EPB41L4B: variants seen among roughly 807,000 people sequenced by gnomAD.
EPB41L4B encodes erythrocyte membrane protein band 4.1 like 4B.
In EPB41L4B, 30 loss-of-function variants were observed where a neutral mutation model predicts 112.5. The ratio of observed to expected loss-of-function variants is 0.27; its 90% CI spans 0.20 to 0.36. The LOEUF is 0.36. EPB41L4B is among the 10% of genes least tolerant of loss of function. The probability of loss-of-function intolerance (pLI) is 1.00; values close to 1 mark genes in which losing one functional copy is unlikely to be tolerated. For synonymous variants in EPB41L4B, 408 were observed against 439.7 expected, an observed-to-expected ratio of 0.93 and a Z score of 0.90; for missense variants, 1,024 against 1,133.3, an observed-to-expected ratio of 0.90 and a Z score of 1.38.
At chr9:109,258,420 C>G in intron 6 of EPB41L4B, 123 bp from the exon 7 acceptor site, 4 of 1,041,450 alleles carry the variant, frequency 3.8e-6, no homozygotes, top group Non-Finnish European at 5.6e-6. Context: ...ATGTATAACT[C>G]TCTCCTTTCG....
intron 9 of EPB41L4B, 68 bp from the exon 10 acceptor site, chr9:109,255,911 T>A (rs1834965527): frequency 7.0e-7 from 1 of 1,429,080 alleles, no homozygotes. Context: ...AAATAGCAGT[T>A]TCCTTTCTAC....
intron 13 of EPB41L4B, among the ~76,000 whole-genome samples, chr9:109,250,542 A>C (rs1391179087): frequency 6.6e-6 from 1 of 152,214 alleles, no homozygotes; most frequent in Admixed American, 6.5e-5. Context: ...GTTCTCTCAC[A>C]TGACAGCTTG....
chr9:109,281,665 T>C (rs1208357680), intron 1 of EPB41L4B, among the ~76,000 whole-genome samples: 1 of 151,570 alleles, frequency 6.6e-6, no homozygotes, highest in African/African-American at 2.4e-5. Flanking sequence ...GCCTCGGCGG[T>C]AGAGCGAGAC....
intron 17 of EPB41L4B, among the ~76,000 whole-genome samples, chr9:109,209,145 G>C (rs910434133): frequency 6.6e-6 from 1 of 152,130 alleles, no homozygotes; most frequent in Non-Finnish European, 1.5e-5. Flanking sequence ...TACTGAGCAT[G>C]TTGGTACACA....
intron 1 of EPB41L4B, among the ~76,000 whole-genome samples, chr9:109,317,768 G>C (rs915647991): frequency 6.6e-6 from 1 of 152,184 alleles, no homozygotes; most frequent in South Asian, 2.1e-4. Context: ...CTTGCGACAA[G>C]CAGCAAGGCA....
At chr9:109,251,568 TGC>T in intron 12 of EPB41L4B, 57 bp from the exon 13 acceptor site, 2 of 1,515,986 alleles carry the variant, frequency 1.3e-6, no homozygotes, top group Non-Finnish European at 1.8e-6. Context: ...GCTTTCACCA[TGC>T]AATGACAGAT....
rs146177433 is a variant in EPB41L4B at position 109,308,505 on chromosome 9, T to C, written c.306+11636A>G. Reference sequence around the variant, plus strand: ...GGTTAAGAGTCTTAGATAGAATATCTATCAAATGCAATGAAAGAACCTTGC... The same window carrying C: ...GGTTAAGAGTCTTAGATAGAATATCCATCAAATGCAATGAAAGAACCTTGC... On this transcript the variant is annotated intron_variant, in intron 1 of 25. Coordinates refer to ENST00000374566, the MANE Select transcript of EPB41L4B (RefSeq NM_019114.5). Among the ~76,000 whole-genome samples the C allele has an allele frequency of 6.6e-3, 1,006 of 152,320 alleles. 10 individuals carry two copies. The highest frequency in any genetic ancestry group is 0.023 in the African/African-American group (964 of 41,576).
chr9:109,278,566 C>T (rs981904120), intron 2 of EPB41L4B, among the ~76,000 whole-genome samples: 1 of 152,176 alleles, frequency 6.6e-6, no homozygotes, highest in African/African-American at 2.4e-5. Flanking sequence ...TAAGTATCTT[C>T]CAGTAGACAG....
intron 1 of EPB41L4B, among the ~76,000 whole-genome samples, chr9:109,291,416 T>C (rs1302664778): frequency 6.6e-6 from 1 of 152,144 alleles, no homozygotes; most frequent in African/African-American, 2.4e-5. Flanking sequence ...GGGGAGGCAA[T>C]TCCCAATTCC....
At chr9:109,216,318 A>G (rs1451207857) in intron 16 of EPB41L4B, among the ~76,000 whole-genome samples, 4 of 152,032 alleles carry the variant, frequency 2.6e-5, no homozygotes, top group Non-Finnish European at 4.4e-5. Flanking sequence ...TAAGAGTGGA[A>G]CTCTCATGAC....
intron 15 of EPB41L4B, among the ~76,000 whole-genome samples, chr9:109,230,993 C>T (rs1239353294): frequency 1.3e-5 from 2 of 151,924 alleles, no homozygotes; most frequent in Non-Finnish European, 2.9e-5. Context: ...AAACTCAACA[C>T]TACTAAAAAT....
chr9:109,216,911 C>A lies in EPB41L4B; in HGVS notation c.1633+11G>T, dbSNP rs13293508. 0.093 allele frequency: 150,143 copies of A among 1,613,422 alleles called. 7,649 individuals carry two copies. The highest frequency in any genetic ancestry group is 0.13 in the Admixed American group (7,801 of 60,018). ...CCCTTCTCCTGCCTTGCCCCCTCCACCCCTACTCACTTGTAAGGGACTTGC... is the reference window on the plus strand; with the variant it reads ...CCCTTCTCCTGCCTTGCCCCCTCCAACCCTACTCACTTGTAAGGGACTTGC... On this transcript the variant is annotated intron_variant, in intron 16 of 25. Coordinates refer to ENST00000374566, the MANE Select transcript of EPB41L4B (RefSeq NM_019114.5).
At chr9:109,223,875 C>T (rs1833674760) in intron 15 of EPB41L4B, among the ~76,000 whole-genome samples, 1 of 151,972 alleles carries the variant, frequency 6.6e-6, no homozygotes, top group Non-Finnish European at 1.5e-5. Flanking sequence ...AAAAATTAGC[C>T]AGGTGTGGTG....
intron 1 of EPB41L4B, among the ~76,000 whole-genome samples, chr9:109,311,492 C>T (rs563648813): frequency 1.3e-5 from 2 of 152,116 alleles, no homozygotes; most frequent in South Asian, 2.1e-4. Flanking sequence ...AAAGAAGCAC[C>T]GGATGATCCC....
rs962481643 is a variant in EPB41L4B at position 109,256,432 on chromosome 9, C to T, written c.801G>A (p.Lys267=). 2 of 1,614,118 alleles carry T rather than the reference C, an allele frequency of 1.2e-6. No homozygotes were observed. The highest frequency in any genetic ancestry group is 1.7e-5 in the Admixed American group (1 of 60,014). The change falls in exon 8 of 26, where the codon AAG becomes AAA. Residue 267 remains lysine (K), a synonymous_variant. Transcript: ENST00000374566. ...TGTCTACCCCATACATTTCCAGCCA[C>T]TTCGCTTTATTCAGATAGGAGAGTT... ...QAELSYLNKA[K]WLEMYGVDMH... is the part of the protein sequence containing the mutation.
chr9:109,217,016 CTGATGCTGATGCTGGTGCTGGTGG>C lies in EPB41L4B; in HGVS notation c.1515_1538del (p.His505_His512del), dbSNP rs767761277. Reference sequence around the variant, plus strand: ...GGCTGTAGTTTGAGTGGTGCTGGTGCTGATGCTGATGCTGGTGCTGGTGGTGATGCCTTCCTGAAGCTGCGGTGA... The same window carrying C: ...GGCTGTAGTTTGAGTGGTGCTGGTGCTGATGCCTTCCTGAAGCTGCGGTGA... On this transcript the variant is annotated inframe_deletion, in exon 16 of 26. Transcript: ENST00000374566. The C allele has an allele frequency of 1.9e-6, 3 of 1,614,180 alleles. No homozygotes were observed. The highest frequency in any genetic ancestry group is 2.5e-6 in the Non-Finnish European group (3 of 1,180,038).
At chr9:109,219,752 C>G (rs566311459) in intron 15 of EPB41L4B, among the ~76,000 whole-genome samples, 3 of 152,176 alleles carry the variant, frequency 2.0e-5, no homozygotes, top group African/African-American at 2.4e-5. Context: ...TTTTCTTCAA[C>G]GGAAAATCCA....
intron 22 of EPB41L4B, among the ~76,000 whole-genome samples, chr9:109,190,107 C>G (rs1280578189): frequency 2.0e-5 from 3 of 152,024 alleles, no homozygotes; most frequent in Non-Finnish European, 4.4e-5. Context: ...GGCTAGGTTA[C>G]GCTGGTTCTG....
intron 12 of EPB41L4B, 26 bp from the exon 13 acceptor site, chr9:109,251,537 GA>G: frequency 6.2e-7 from 1 of 1,609,436 alleles, no homozygotes; most frequent in Non-Finnish European, 8.5e-7. Context: ...AGAAAGTTAT[GA>G]CATCTTAGAG....
Sources: gnomAD v4.1 joint callset for allele counts (sites outside exome capture counted in the v4.1 genomes callset) on GRCh38, gnomAD v4.1.1 for gene constraint, MANE v1.5 for transcripts, NCBI Gene and HGNC (gene_info 2026-07-23, HGNC 2026-07-21) for gene names.